Variants in SLC4A10 observed in about 807,000 individuals in gnomAD.
SLC4A10 encodes the protein solute carrier family 4 member 10.
Under a neutral mutation model 137.7 loss-of-function variants are expected in SLC4A10, and 42 were observed. The ratio of observed to expected loss-of-function variants is 0.30; its 90% CI spans 0.24 to 0.39. The LOEUF (loss-of-function observed/expected upper bound fraction) is 0.39. Ranked by LOEUF, SLC4A10 falls within the 10% of genes least tolerant of loss-of-function variation. The pLI is 1.00. For missense variants in SLC4A10, 925 were observed against 1,355.0 expected (o/e 0.68, Z 4.98); for synonymous variants, 474 against 464.1 (o/e 1.02, Z -0.27).
At chr2:161,756,478 G>A (rs1338131103) in intron 1 of SLC4A10, among the ~76,000 whole-genome samples, 1 of 152,172 alleles carries the variant, frequency 6.6e-6, no homozygotes, top group Non-Finnish European at 1.5e-5. Flanking sequence ...TGCAATAAAA[G>A]TAATTTCTTG....
intron 2 of SLC4A10, among the ~76,000 whole-genome samples, chr2:161,795,887 T>C (rs1455917816): frequency 2.6e-5 from 4 of 152,146 alleles, no homozygotes; most frequent in Non-Finnish European, 5.9e-5. Flanking sequence ...AAGTGCCAAA[T>C]GAATCGGCAT....
At chr2:161,877,526 G>A (rs1049457648) in intron 8 of SLC4A10, among the ~76,000 whole-genome samples, 5 of 151,854 alleles carry the variant, frequency 3.3e-5, no homozygotes, top group African/African-American at 1.2e-4. Context: ...CTAATTTAAA[G>A]CATCTTAAAT....
chr2:161,759,753 TA>T, intron 1 of SLC4A10, among the ~76,000 whole-genome samples: 1 of 152,110 alleles, frequency 6.6e-6, no homozygotes, highest in South Asian at 2.1e-4. Flanking sequence ...TTTTGGATAC[TA>T]ACCCCTTACT....
At chr2:161,626,916 G>A (rs987606473) in intron 1 of SLC4A10, among the ~76,000 whole-genome samples, 1 of 152,070 alleles carries the variant, frequency 6.6e-6, no homozygotes, top group Non-Finnish European at 1.5e-5. Context: ...TTAATCAGAC[G>A]ACTTTGCAAA....
chr2:161,897,306 G>T (rs1273940325), intron 11 of SLC4A10, among the ~76,000 whole-genome samples: 1 of 152,038 alleles, frequency 6.6e-6, no homozygotes, highest in East Asian at 1.9e-4. Flanking sequence ...CCACCTCTAT[G>T]CCTACTGAAT....
chr2:161,975,493 T>C (rs988400291), intron 24 of SLC4A10, among the ~76,000 whole-genome samples: 1 of 152,200 alleles, frequency 6.6e-6, no homozygotes, highest in Non-Finnish European at 1.5e-5. Context: ...CTTCCTCACA[T>C]AATATCATGA....
chr2:161,756,486 T>C (rs1435247161), intron 1 of SLC4A10, among the ~76,000 whole-genome samples: 1 of 152,204 alleles, frequency 6.6e-6, no homozygotes, highest in African/African-American at 2.4e-5. Context: ...AAGTAATTTC[T>C]TGCTCATACT....
intron 15 of SLC4A10, among the ~76,000 whole-genome samples, chr2:161,914,285 A>T (rs1417300412): frequency 6.6e-6 from 1 of 152,230 alleles, no homozygotes; most frequent in African/African-American, 2.4e-5. Context: ...AGTTTAATTT[A>T]TGAAAACATT....
intron 1 of SLC4A10, among the ~76,000 whole-genome samples, chr2:161,697,096 G>A (rs1166680427): frequency 4.6e-5 from 7 of 152,118 alleles, no homozygotes; most frequent in East Asian, 3.9e-4. Context: ...TGGCTGCATA[G>A]ATGTCTTCTT....
chr2:161,657,402 T>C (rs2037695672), intron 1 of SLC4A10, among the ~76,000 whole-genome samples: 1 of 152,064 alleles, frequency 6.6e-6, no homozygotes, highest in Non-Finnish European at 1.5e-5. Flanking sequence ...AAAATTAAAG[T>C]GTTTCCTAAT....
intron 2 of SLC4A10, among the ~76,000 whole-genome samples, chr2:161,793,707 C>T (rs932115950): frequency 6.6e-6 from 1 of 152,094 alleles, no homozygotes; most frequent in Non-Finnish European, 1.5e-5. Context: ...TAATTTCCTG[C>T]TGGTACAATA....
chr2:161,777,758 C>T (rs1012157311), intron 2 of SLC4A10, among the ~76,000 whole-genome samples: 1 of 151,918 alleles, frequency 6.6e-6, no homozygotes, highest in Admixed American at 6.6e-5. Flanking sequence ...CACTGGGTTC[C>T]TTTCACAGCA....
intron 1 of SLC4A10, among the ~76,000 whole-genome samples, chr2:161,759,864 C>T (rs1271871112): frequency 6.6e-6 from 1 of 151,838 alleles, no homozygotes; most frequent in African/African-American, 2.4e-5. Context: ...AAATGTCTTT[C>T]TTGAATGATA....
intron 10 of SLC4A10, among the ~76,000 whole-genome samples, chr2:161,885,249 A>G (rs1322433362): frequency 6.6e-6 from 1 of 151,616 alleles, no homozygotes; most frequent in Non-Finnish European, 1.5e-5. Flanking sequence ...CTCATTAAGA[A>G]TAGAATTTAA....
rs1373984273 is a variant in SLC4A10, at chr2:161,904,652, AG to A, written c.1618-121del. ...CATCCTTCTACCCCACGTCTTGCCC[AG>A]GGTTGCTAGACTTTTCAGGGTGAAG... On this transcript the variant is annotated intron_variant, in intron 13 of 26. Coordinates refer to ENST00000446997, the MANE Select transcript of SLC4A10 (RefSeq NM_001178015.2). The A allele has an allele frequency of 4.4e-5, 52 of 1,181,140 alleles. No homozygotes were observed. In the South Asian group the frequency reaches 8.2e-4, roughly 19 times the overall value. 73.2% of individuals were successfully genotyped at this position (1,181,140 alleles called of 1,614,324 possible).
chr2:161,915,271 G>A (rs776177593), intron 15 of SLC4A10, among the ~76,000 whole-genome samples: 80 of 152,068 alleles, frequency 5.3e-4, no homozygotes, highest in African/African-American at 1.8e-3. Flanking sequence ...CCATCTCCCC[G>A]TCCGCTAAGA....
intron 7 of SLC4A10, 161 bp from the exon 8 acceptor site, chr2:161,873,755 A>G: frequency 1.6e-6 from 1 of 610,418 alleles, no homozygotes; most frequent in South Asian, 2.2e-5. Context: ...CAAGGTTCTG[A>G]AAAGATTAAT....
intron 1 of SLC4A10, among the ~76,000 whole-genome samples, chr2:161,767,808 G>A (rs913825462): frequency 3.3e-5 from 5 of 152,030 alleles, no homozygotes; most frequent in Non-Finnish European, 7.4e-5. Context: ...ATTGGAAGAT[G>A]ATATCGCCTC....
Position 161,862,986 on chromosome 2 carries a change from C to A in SLC4A10, c.690C>A (p.Thr230=). The change falls in exon 6 of 27, where the codon ACC becomes ACA. Residue 230 remains threonine, a synonymous_variant. Transcript: ENST00000446997. The part of the protein sequence containing the change: ...QHHHQNQKKL[T]NRIPIVRSFA... ...ATCATCAGAATCAGAAAAAACTCAC[C>A]AACAGGATTCCCATTGTTCGTTCCT... 1 of 1,613,896 alleles carries A rather than the reference C, an allele frequency of 6.2e-7. No individual in the cohort carries two copies.
Sources: allele counts gnomAD v4.1 joint callset (sites outside exome capture counted in the v4.1 genomes callset), GRCh38; gene constraint gnomAD v4.1.1; transcripts MANE v1.5; gene names NCBI Gene and HGNC (gene_info 2026-07-23, HGNC 2026-07-21).